Variants in ALG14 observed in about 807,000 individuals in gnomAD.
The protein encoded by ALG14 is UDP-N-acetylglucosamine transferase subunit ALG14.
In ALG14, 17 loss-of-function variants were observed where a neutral mutation model predicts 22.8. The observed-to-expected ratio is 0.75, with a 90% CI of 0.51 to 1.12. The LOEUF is 1.12. ALG14 is among the 50% of genes most tolerant of loss of function. The pLI is 0.00. For synonymous variants in ALG14, 89 were observed against 103.7 expected, an observed-to-expected ratio of 0.86 and a Z score of 0.86; for missense variants, 288 against 271.8, an observed-to-expected ratio of 1.06 and a Z score of -0.42.
intron 2 of ALG14, among the ~76,000 whole-genome samples, chr1:95,032,302 T>G (rs1674034878): frequency 6.6e-6 from 1 of 152,148 alleles, no homozygotes; most frequent in Non-Finnish European, 1.5e-5. Context: ...AGGGGGGTAA[T>G]TTGAGAGTGT....
intron 3 of ALG14, among the ~76,000 whole-genome samples, chr1:94,993,482 A>G (rs1672828908): frequency 1.3e-5 from 2 of 149,784 alleles, no homozygotes; most frequent in Non-Finnish European, 1.5e-5. Context: ...ATATATTTAT[A>G]CATGTATAAA....
intron 2 of ALG14, among the ~76,000 whole-genome samples, chr1:95,058,713 G>T (rs1675030124): frequency 6.7e-6 from 1 of 148,530 alleles, no homozygotes; most frequent in Non-Finnish European, 1.5e-5. Flanking sequence ...AATACTGAAG[G>T]AAACACTTGA....
chr1:95,051,752 T>C (rs766651625), intron 2 of ALG14, among the ~76,000 whole-genome samples: 23 of 152,216 alleles, frequency 1.5e-4, no homozygotes, highest in Non-Finnish European at 2.2e-4. Flanking sequence ...TTGCAGTTAC[T>C]GCTTCCTCTC....
chr1:95,003,851 C>A (rs972477139), intron 3 of ALG14, among the ~76,000 whole-genome samples: 1 of 152,056 alleles, frequency 6.6e-6, no homozygotes, highest in Non-Finnish European at 1.5e-5. Context: ...AAATTTATGA[C>A]AAAATTAGCT....
intron 3 of ALG14, among the ~76,000 whole-genome samples, chr1:95,000,872 A>ATACC (rs1673047568): frequency 1.3e-5 from 2 of 152,184 alleles, no homozygotes; most frequent in Non-Finnish European, 2.9e-5. Context: ...ACAAAGACAC[A>ATACC]TACCTACCGA....
chr1:95,055,075 T>C (rs1571662016), intron 2 of ALG14, among the ~76,000 whole-genome samples: 1 of 152,316 alleles, frequency 6.6e-6, no homozygotes. Context: ...AAAAGACATT[T>C]GATAAAAATC....
At chr1:95,049,156 A>G (rs928177137) in intron 2 of ALG14, among the ~76,000 whole-genome samples, 7 of 152,232 alleles carry the variant, frequency 4.6e-5, no homozygotes, top group Admixed American at 2.0e-4. Flanking sequence ...TCTAGCATAA[A>G]TAGGTAAATA....
At chr1:94,999,849 G>C (rs1305306803) in intron 3 of ALG14, among the ~76,000 whole-genome samples, 1 of 152,068 alleles carries the variant, frequency 6.6e-6, no homozygotes, top group Non-Finnish European at 1.5e-5. Context: ...ATTTTACTCA[G>C]AAAGCCTCTC....
chr1:95,005,939 C>G (rs991366971), intron 3 of ALG14, among the ~76,000 whole-genome samples: 3 of 152,216 alleles, frequency 2.0e-5, no homozygotes, highest in Non-Finnish European at 4.4e-5. Context: ...AGCCTAAAAC[C>G]TAACTCTGTT....
intron 2 of ALG14, among the ~76,000 whole-genome samples, chr1:95,063,073 T>C (rs1054510673): frequency 3.3e-5 from 5 of 152,370 alleles, no homozygotes; most frequent in African/African-American, 1.2e-4. Flanking sequence ...TTCTTTCATA[T>C]GTTTGTTGGC....
At chr1:95,036,890 C>G (rs974638503) in intron 2 of ALG14, among the ~76,000 whole-genome samples, 3 of 152,190 alleles carry the variant, frequency 2.0e-5, no homozygotes, top group Admixed American at 2.0e-4. Context: ...GGAGGGCTAG[C>G]TGAGATCAGG....
chr1:95,050,493 T>A (rs1674711249), intron 2 of ALG14, among the ~76,000 whole-genome samples: 1 of 152,152 alleles, frequency 6.6e-6, no homozygotes, highest in Admixed American at 6.6e-5. Flanking sequence ...CAATATAAAC[T>A]AGCTTTATAA....
intron 3 of ALG14, among the ~76,000 whole-genome samples, chr1:95,024,893 T>C (rs1048543820): frequency 2.0e-5 from 3 of 152,202 alleles, no homozygotes; most frequent in Non-Finnish European, 2.9e-5. Flanking sequence ...GGCTGGAATA[T>C]ACTTCTCCCA....
intron 3 of ALG14, among the ~76,000 whole-genome samples, chr1:95,007,552 G>A (rs540285947): frequency 3.3e-5 from 5 of 152,198 alleles, no homozygotes; most frequent in Non-Finnish European, 5.9e-5. Context: ...TTCCATCAAG[G>A]CCCCTGATTT....
intron 2 of ALG14, among the ~76,000 whole-genome samples, chr1:95,063,094 T>G (rs1372371452): frequency 6.6e-6 from 1 of 152,252 alleles, no homozygotes; most frequent in Non-Finnish European, 1.5e-5. Context: ...TGCATGAATG[T>G]CTTCTTTTGA....
Position 94,982,404 on chromosome 1 carries a change from G to C in ALG14, c.*672C>G, listed in dbSNP as rs994767434. ...GCCTCCCAAGGTGCTGGGATTACAG[G>C]TGTGAGCCGTCATGCCGGCCTAAAC... On this transcript the variant is annotated 3_prime_UTR_variant, in exon 4 of 4. Coordinates refer to ENST00000370205, the MANE Select transcript of ALG14 (RefSeq NM_144988.4). 1.3e-5 allele frequency: 2 copies of C among 152,238 alleles called. No individual in the cohort carries two copies. Among genetic ancestry groups the C allele is most frequent in the Admixed American group, 1.3e-4 (2 of 15,264 alleles). 9.4% of individuals were successfully genotyped at this position (152,238 alleles called of 1,614,324 possible). A position where few individuals can be genotyped will look rare whatever the true frequency, so the allele number is the denominator to read the frequency against.
intron 2 of ALG14, among the ~76,000 whole-genome samples, chr1:95,044,573 C>A (rs1454601872): frequency 6.6e-6 from 1 of 152,126 alleles, no homozygotes; most frequent in Non-Finnish European, 1.5e-5. Context: ...ACACTCTTCT[C>A]TCAGGAGTCC....
chr1:95,063,802 C>A (rs1333588202), intron 2 of ALG14, among the ~76,000 whole-genome samples: 1 of 151,984 alleles, frequency 6.6e-6, no homozygotes, highest in Non-Finnish European at 1.5e-5. Flanking sequence ...AAAATAGTTT[C>A]TTATAATTCT....
chr1:95,038,716 G>GTTTTTT (rs71097229), intron 2 of ALG14, among the ~76,000 whole-genome samples: 2 of 121,488 alleles, frequency 1.6e-5, no homozygotes, highest in Non-Finnish European at 3.4e-5. Flanking sequence ...AAACTATAAG[G>GTTTTTT]TTTTTTTTTT....
Sources: gnomAD v4.1 joint callset for allele counts (sites outside exome capture counted in the v4.1 genomes callset) on GRCh38, gnomAD v4.1.1 for gene constraint, MANE v1.5 for transcripts, NCBI Gene and HGNC (gene_info 2026-07-23, HGNC 2026-07-21) for gene names.